SGPP2: variants seen among roughly 807,000 people sequenced by gnomAD.
SGPP2 encodes sphingosine 1-phosphate phosphohydrolase 2.
SGPP2 carries 30 observed loss-of-function variants against 33.9 expected under a neutral mutation model. The observed-to-expected ratio is 0.89, with a 90% confidence interval of 0.66 to 1.20. SGPP2 has a LOEUF of 1.20. Ranked by LOEUF, SGPP2 falls within the 50% of genes most tolerant of loss-of-function variation. The probability of loss-of-function intolerance (pLI) is 0.00; values close to 1 mark genes in which losing one functional copy is unlikely to be tolerated. For synonymous variants in SGPP2, 233 were observed against 225.0 expected (o/e 1.04, Z -0.32); for missense variants, 458 against 532.1 (o/e 0.86, Z 1.37).
intron 1 of SGPP2, among the ~76,000 whole-genome samples, chr2:222,443,285 G>A (rs1018568871): frequency 1.3e-5 from 2 of 152,038 alleles, no homozygotes; most frequent in South Asian, 2.1e-4. Context: ...GGTGTATTGC[G>A]TGATGCTGAG....
At chr2:222,478,208 G>A (rs544685203) in intron 2 of SGPP2, among the ~76,000 whole-genome samples, 9 of 150,724 alleles carry the variant, frequency 6.0e-5, no homozygotes, top group African/African-American at 1.9e-4. Context: ...GAGGGAGGGG[G>A]AGAGGGAGGT....
intron 2 of SGPP2, among the ~76,000 whole-genome samples, chr2:222,480,813 G>T (rs1276477399): frequency 6.6e-6 from 1 of 152,064 alleles, no homozygotes; most frequent in Non-Finnish European, 1.5e-5. Flanking sequence ...ATTTCCATGC[G>T]TATATTCATT....
intron 4 of SGPP2, among the ~76,000 whole-genome samples, chr2:222,544,041 T>TCTC (rs1322797478): frequency 6.6e-6 from 1 of 152,184 alleles, no homozygotes; most frequent in African/African-American, 2.4e-5. Context: ...CTATCATATA[T>TCTC]TAGATGTATC....
chr2:222,504,045 T>A (rs1338279558), intron 2 of SGPP2: 1 of 152,226 alleles, frequency 6.6e-6, no homozygotes, highest in Non-Finnish European at 1.5e-5. Context: ...TGGTCCTGAA[T>A]GTAGCCCGGG....
Position 222,562,580 on chromosome 2 carries a change from C to G in SGPP2, c.*3682C>G, listed in dbSNP as rs1411214146. ...ATGTAAATTTATTCTTTTTAAAAATCACTTTTATTTGATTTTGACTTATTA... is the reference window on the plus strand; with the variant it reads ...ATGTAAATTTATTCTTTTTAAAAATGACTTTTATTTGATTTTGACTTATTA... On this transcript the variant is annotated 3_prime_UTR_variant, in exon 5 of 5. Transcript: ENST00000321276. Among the ~76,000 whole-genome samples the G allele has an allele frequency of 6.6e-6, 1 of 152,148 alleles. No homozygotes were observed. Among genetic ancestry groups the G allele is most frequent in the Non-Finnish European group, 1.5e-5 (1 of 68,034 alleles).
chr2:222,492,154 C>A (rs556349531), intron 2 of SGPP2, among the ~76,000 whole-genome samples: 223 of 152,286 alleles, frequency 1.5e-3, no homozygotes, highest in Non-Finnish European at 2.7e-3. Context: ...CATTCTGGGG[C>A]CTGGAGGACA....
Position 222,465,065 on chromosome 2 carries a change from G to A in SGPP2, c.220-9503G>A, listed in dbSNP as rs111908934. Reference sequence around the variant, plus strand: ...TAAAATGAAAGCCACATTGGGCTCAGTCCCCTCAACCCTCCCTCCTATCCT... The same window carrying A: ...TAAAATGAAAGCCACATTGGGCTCAATCCCCTCAACCCTCCCTCCTATCCT... On this transcript the variant is annotated intron_variant, in intron 1 of 4. Coordinates refer to ENST00000321276, the MANE Select transcript of SGPP2 (RefSeq NM_152386.4). This position sits in a 1 kb window ranked among gnomAD's most constrained non-coding sequence, Gnocchi z 4.1. Among the ~76,000 whole-genome samples the A allele has an allele frequency of 2.6e-4, 39 of 152,310 alleles. No homozygotes were observed. The highest frequency in any genetic ancestry group is 8.9e-4 in the African/African-American group (37 of 41,572).
intron 2 of SGPP2, among the ~76,000 whole-genome samples, chr2:222,483,624 G>C (rs779028043): frequency 6.6e-6 from 1 of 152,200 alleles, no homozygotes; most frequent in Admixed American, 6.5e-5. Context: ...AACGTTTTGT[G>C]ATAATGTGTC....
intron 2 of SGPP2, among the ~76,000 whole-genome samples, chr2:222,490,744 A>G (rs190121376): frequency 5.3e-5 from 8 of 151,910 alleles, no homozygotes; most frequent in Middle Eastern, 3.4e-3. Flanking sequence ...TTTACCCAGC[A>G]GTTATGTGCA....
At chr2:222,503,038 C>T (rs1467913531) in intron 2 of SGPP2, among the ~76,000 whole-genome samples, 1 of 152,164 alleles carries the variant, frequency 6.6e-6, no homozygotes, top group East Asian at 1.9e-4. Context: ...AAAAGTTACC[C>T]ATTCTGAGGA....
intron 1 of SGPP2, among the ~76,000 whole-genome samples, chr2:222,435,870 C>T (rs1399060991): frequency 6.6e-6 from 1 of 152,210 alleles, no homozygotes; most frequent in Non-Finnish European, 1.5e-5. Context: ...TTCCCTTTGC[C>T]TTCAGCAAGC....
chr2:222,537,795 C>G (rs1265779130), intron 4 of SGPP2, among the ~76,000 whole-genome samples: 1 of 152,094 alleles, frequency 6.6e-6, no homozygotes, highest in Non-Finnish European at 1.5e-5. Flanking sequence ...ATCTAACGTA[C>G]AACAGTAAGG....
At chr2:222,554,748 T>C (rs964644761) in intron 4 of SGPP2, among the ~76,000 whole-genome samples, 17 of 152,148 alleles carry the variant, frequency 1.1e-4, no homozygotes, top group Non-Finnish European at 2.1e-4. Context: ...ACTGGGAACC[T>C]CGCCAGGGGT....
At chr2:222,479,495 C>T (rs529965155) in intron 2 of SGPP2, among the ~76,000 whole-genome samples, 5 of 151,064 alleles carry the variant, frequency 3.3e-5, no homozygotes, top group South Asian at 2.1e-4. Context: ...CCCCACCTCC[C>T]GGGATCACAC....
chr2:222,515,329 CT>C (rs984411775), intron 2 of SGPP2, among the ~76,000 whole-genome samples: 1 of 151,580 alleles, frequency 6.6e-6, no homozygotes, highest in Non-Finnish European at 1.5e-5. Context: ...TATTGAACCA[CT>C]TTTTTTTTCT....
intron 2 of SGPP2, among the ~76,000 whole-genome samples, chr2:222,475,544 T>C (rs1697921062): frequency 6.6e-6 from 1 of 152,206 alleles, no homozygotes; most frequent in Non-Finnish European, 1.5e-5. Flanking sequence ...TAAGTGATTA[T>C]ACACATGGGA....
chr2:222,511,270 T>A (rs377262816), intron 2 of SGPP2, among the ~76,000 whole-genome samples: 2 of 152,316 alleles, frequency 1.3e-5, no homozygotes, highest in East Asian at 3.9e-4. Context: ...TTTGTCTGCC[T>A]GGGGTGAATG....
chr2:222,469,473 G>A (rs946816839), intron 1 of SGPP2, among the ~76,000 whole-genome samples: 9 of 152,186 alleles, frequency 5.9e-5, no homozygotes, highest in Non-Finnish European at 1.0e-4. Context: ...ATGAGCCATC[G>A]CGCCTGGCTG....
intron 3 of SGPP2, among the ~76,000 whole-genome samples, chr2:222,524,021 C>T (rs1191865147): frequency 6.6e-6 from 1 of 152,190 alleles, no homozygotes; most frequent in Non-Finnish European, 1.5e-5. Context: ...AGCTGTGTGA[C>T]CTCAGGCAGA....
Sources: allele counts gnomAD v4.1 joint callset (sites outside exome capture counted in the v4.1 genomes callset), GRCh38; gene constraint gnomAD v4.1.1; non-coding constraint Gnocchi (gnomAD v3.1); transcripts MANE v1.5; gene names NCBI Gene and HGNC (gene_info 2026-07-23, HGNC 2026-07-21).